The following CEP128 variants were observed in gnomAD, a reference collection of about 807,000 sequenced individuals.
CEP128 encodes centrosomal protein 128.
CEP128 carries 132 observed loss-of-function variants against 156.7 expected under a neutral mutation model. The ratio of observed to expected loss-of-function variants is 0.84; its 90% CI spans 0.73 to 0.97. The LOEUF is 0.97. CEP128 is among the 50% of genes least tolerant of loss of function. CEP128 has a pLI of 0.00. For synonymous variants in CEP128, 469 were observed against 448.9 expected, an observed-to-expected ratio of 1.04 and a Z score of -0.57; for missense variants, 1,252 against 1,281.9, an observed-to-expected ratio of 0.98 and a Z score of 0.36.
At chr14:80,592,419 C>T (rs1281741706) in intron 19 of CEP128, among the ~76,000 whole-genome samples, 12 of 152,158 alleles carry the variant, frequency 7.9e-5, no homozygotes, top group Non-Finnish European at 1.5e-5. Context: ...TGGATAAATT[C>T]CTGGACACAT....
chr14:80,844,832 T>C (rs1466712569), intron 9 of CEP128, among the ~76,000 whole-genome samples: 1 of 151,894 alleles, frequency 6.6e-6, no homozygotes, highest in Admixed American at 6.6e-5. Context: ...ATAGGAATTA[T>C]CTTGGTGGAA....
At chr14:80,924,731 G>A (rs10151557) in intron 2 of CEP128, among the ~76,000 whole-genome samples, 1 of 151,556 alleles carries the variant, frequency 6.6e-6, no homozygotes, top group African/African-American at 2.4e-5. Flanking sequence ...TGGTTTCATG[G>A]GGGTTTTTTT....
At chr14:80,636,857 C>T (rs10130415) in intron 19 of CEP128, among the ~76,000 whole-genome samples, 44,554 of 151,950 alleles carry the variant, frequency 0.29, 8,489 homozygotes, top group African/African-American at 0.53. Context: ...GAGGCCAACA[C>T]GGGCAGATCA....
rs2139843775 is a variant in CEP128, at chr14:80,792,760, C to A, written c.1560G>T (p.Gln520His). The A allele has an allele frequency of 6.2e-7, 1 of 1,611,980 alleles. No individual in the cohort carries two copies. The highest frequency in any genetic ancestry group is 2.2e-5 in the East Asian group (1 of 44,866). The part of the protein sequence containing the change: ...TVDELTGKNN[Q>H]ILKEKDELKT... Reference sequence around the variant, plus strand: ...TTCCTTAGGAATGTGGCTTTTATACCTGATTATTCTTGCCTGTCAGTTCAT... The same window carrying A: ...TTCCTTAGGAATGTGGCTTTTATACATGATTATTCTTGCCTGTCAGTTCAT... The change falls in exon 14 of 25, where the codon CAG becomes CAT. Residue 520 changes from glutamine to histidine, a missense_variant and splice_region_variant. Gln to His is a conservative substitution (Grantham distance 24). Transcript: ENST00000555265.
At chr14:80,568,625 T>A (rs1292528855) in intron 20 of CEP128, among the ~76,000 whole-genome samples, 1 of 152,198 alleles carries the variant, frequency 6.6e-6, no homozygotes, top group South Asian at 2.1e-4. Context: ...ATGGCTGAGA[T>A]GGGGTAGCTT....
chr14:80,898,021 T>A (rs188827626), intron 7 of CEP128, among the ~76,000 whole-genome samples: 27 of 152,258 alleles, frequency 1.8e-4, no homozygotes, highest in Middle Eastern at 3.4e-3. Flanking sequence ...CTCAAATGAT[T>A]CACCTGCCTC....
intron 13 of CEP128, among the ~76,000 whole-genome samples, chr14:80,815,020 T>C (rs1319780151): frequency 6.6e-6 from 1 of 152,110 alleles, no homozygotes; most frequent in Admixed American, 6.5e-5. Flanking sequence ...ATTGTGCCAC[T>C]GCACTCCAGC....
chr14:80,568,470 A>G (rs1216181067), intron 20 of CEP128, among the ~76,000 whole-genome samples: 1 of 150,178 alleles, frequency 6.7e-6, no homozygotes, highest in Non-Finnish European at 1.5e-5. Context: ...TGCACAAGGA[A>G]CATTGTAATG....
chr14:80,543,709 T>C (rs1889863484), intron 21 of CEP128, among the ~76,000 whole-genome samples: 1 of 152,174 alleles, frequency 6.6e-6, no homozygotes, highest in African/African-American at 2.4e-5. Flanking sequence ...AGTCCTTCCC[T>C]TCCCTGCCCA....
rs116230453 is a variant in CEP128 at position 80,914,360 on chromosome 14, G to T, written c.196C>A (p.Arg66=). 94 of 1,613,672 alleles carry T rather than the reference G, an allele frequency of 5.8e-5. No homozygotes were observed. In the African/African-American group the frequency reaches 1.0e-3, roughly 18 times the overall value. ...CCCGCCTGTCCATTACTGTATTCTC[G>T]GTATCGTCCAAGCATCTGGTCCACT... The part of the protein sequence containing the change: ...RQVDQMLGRY[R]EYSNGQAGAI... Residue 66 remains arginine (R), a synonymous_variant, in exon 4 of 25, where the codon CGA becomes AGA. Transcript: ENST00000555265.
At chr14:80,675,404 C>T (rs932235314) in intron 19 of CEP128, among the ~76,000 whole-genome samples, 10 of 152,014 alleles carry the variant, frequency 6.6e-5, no homozygotes, top group Non-Finnish European at 1.0e-4. Context: ...ATTTACGCTA[C>T]GCCAATTCAT....
intron 6 of CEP128, among the ~76,000 whole-genome samples, chr14:80,903,789 A>G (rs899017080): frequency 5.9e-5 from 9 of 152,206 alleles, no homozygotes; most frequent in African/African-American, 2.2e-4. Flanking sequence ...TTAAAACCAC[A>G]GTGAGATATC....
chr14:80,646,351 ATT>A (rs1224375914), intron 19 of CEP128, among the ~76,000 whole-genome samples: 2 of 144,972 alleles, frequency 1.4e-5, no homozygotes, highest in African/African-American at 2.5e-5. Context: ...AAATGAAGTC[ATT>A]TTTTTTTTTT....
At chr14:80,815,668 C>A (rs1183308105) in intron 13 of CEP128, among the ~76,000 whole-genome samples, 1 of 152,170 alleles carries the variant, frequency 6.6e-6, no homozygotes, top group Admixed American at 6.5e-5. Context: ...AATCAGTGTA[C>A]ATGTCCATCA....
At chr14:80,824,393 T>G (rs934312890) in intron 13 of CEP128, among the ~76,000 whole-genome samples, 17 of 152,192 alleles carry the variant, frequency 1.1e-4, no homozygotes, top group Non-Finnish European at 2.2e-4. Context: ...AAAAATGGGA[T>G]TTTCTTTCCT....
At chr14:80,512,333 C>G (rs1048968917) in intron 23 of CEP128, among the ~76,000 whole-genome samples, 2 of 151,832 alleles carry the variant, frequency 1.3e-5, no homozygotes, top group African/African-American at 2.4e-5. Context: ...ATAACCTTGT[C>G]TATGATAACC....
intron 19 of CEP128, among the ~76,000 whole-genome samples, chr14:80,736,701 T>C (rs1898549518): frequency 6.6e-6 from 1 of 152,156 alleles, no homozygotes; most frequent in Non-Finnish European, 1.5e-5. Flanking sequence ...TTATAAATTT[T>C]AGGCCCGTTA....
At position 80,728,427 on chromosome 14, in the gene CEP128, T is replaced by C. The variant is rs140370518; in HGVS notation, c.2806+14648A>G. ...ATATTGGATACTATGTTCACTATCA[T>C]AGTAATGAAATCATTTGTATACTAA... On this transcript the variant is annotated intron_variant, in intron 19 of 24. Coordinates refer to ENST00000555265, the MANE Select transcript of CEP128 (RefSeq NM_152446.5). 4.9e-3 allele frequency among the ~76,000 whole-genome samples: 752 copies of C among 152,186 alleles called. 9 individuals carry two copies. The highest frequency in any genetic ancestry group is 0.018 in the African/African-American group (734 of 41,550).
Position 80,840,706 on chromosome 14 carries a change from T to C in CEP128, c.825A>G (p.Arg275=), listed in dbSNP as rs1886309465. The C allele has an allele frequency of 6.2e-7, 1 of 1,609,144 alleles. No individual in the cohort carries two copies. The highest frequency in any genetic ancestry group is 1.7e-5 in the Admixed American group (1 of 59,836). The change falls in exon 10 of 25, where the codon AGA becomes AGG. Residue 275 remains arginine (R), a synonymous_variant. Coordinates refer to ENST00000555265, the MANE Select transcript of CEP128 (RefSeq NM_152446.5). ...EHEGAIKNKL[R]QTETEKNQLE... Reference sequence around the variant, plus strand: ...CTTGATTCTTCTCAGTTTCAGTTTGTCTTAGCTTATTTTTTATTGCCCCCT... The same window carrying C: ...CTTGATTCTTCTCAGTTTCAGTTTGCCTTAGCTTATTTTTTATTGCCCCCT...
Sources: allele counts gnomAD v4.1 joint callset (sites outside exome capture counted in the v4.1 genomes callset), GRCh38; gene constraint gnomAD v4.1.1; transcripts MANE v1.5; gene names NCBI Gene and HGNC (gene_info 2026-07-23, HGNC 2026-07-21).